The following ARHGAP15 variants were observed in gnomAD, a reference collection of about 807,000 sequenced individuals.
ARHGAP15 encodes Rho GTPase activating protein 15.
In ARHGAP15, 51 loss-of-function variants were observed where a neutral mutation model predicts 63.7. That is an observed-to-expected ratio of 0.80 (90% CI 0.64 to 1.01). The LOEUF is 1.01. Among genes scored for constraint, ARHGAP15 ranks in the 50% least tolerant of loss-of-function variants. The probability of loss-of-function intolerance (pLI) is 0.00; values close to 1 mark genes in which losing one functional copy is unlikely to be tolerated. For missense variants in ARHGAP15, 560 were observed against 564.6 expected (o/e 0.99, Z 0.08); for synonymous variants, 191 against 193.8 (o/e 0.99, Z 0.12).
intron 13 of ARHGAP15, among the ~76,000 whole-genome samples, chr2:143,710,154 C>T (rs1197539822): frequency 7.3e-6 from 1 of 137,230 alleles, no homozygotes. Flanking sequence ...CTTTTACTCT[C>T]TCTTTTCTTT....
chr2:143,663,952 C>G (rs1048437605), intron 12 of ARHGAP15, among the ~76,000 whole-genome samples: 1 of 152,068 alleles, frequency 6.6e-6, no homozygotes, highest in African/African-American at 2.4e-5. Context: ...GACTCCCACA[C>G]ATTAATAATG....
At chr2:143,277,397 G>A (rs533649809) in intron 6 of ARHGAP15, among the ~76,000 whole-genome samples, 3 of 151,884 alleles carry the variant, frequency 2.0e-5, no homozygotes, top group Non-Finnish European at 4.4e-5. Context: ...GATCCAGAAT[G>A]TCCCCCCAGG....
intron 6 of ARHGAP15, among the ~76,000 whole-genome samples, chr2:143,409,643 A>T (rs575832190): frequency 6.6e-6 from 1 of 152,136 alleles, no homozygotes; most frequent in Non-Finnish European, 1.5e-5. Context: ...ATGTGGTGGC[A>T]GTTCCGTAGG....
chr2:143,245,328 C>G (rs532844032), intron 5 of ARHGAP15, among the ~76,000 whole-genome samples: 1 of 152,274 alleles, frequency 6.6e-6, no homozygotes, highest in Admixed American at 6.5e-5. Context: ...GGCCAAGAAA[C>G]AAGAGGGCTC....
At chr2:143,334,912 C>A (rs1025597838) in intron 6 of ARHGAP15, among the ~76,000 whole-genome samples, 6 of 152,134 alleles carry the variant, frequency 3.9e-5, no homozygotes, top group African/African-American at 1.2e-4. Flanking sequence ...TGCTTCAGAT[C>A]TCGACTTTGC....
intron 8 of ARHGAP15, among the ~76,000 whole-genome samples, chr2:143,456,902 A>G (rs1690684289): frequency 6.6e-6 from 1 of 151,982 alleles, no homozygotes; most frequent in Non-Finnish European, 1.5e-5. Context: ...TTTAAGGGGC[A>G]TATTGACAGA....
intron 9 of ARHGAP15, among the ~76,000 whole-genome samples, chr2:143,506,493 C>A (rs1398941969): frequency 2.0e-5 from 3 of 152,128 alleles, no homozygotes; most frequent in Admixed American, 6.6e-5. Flanking sequence ...ATGTGAATTT[C>A]ATGGACAGTT....
chr2:143,698,736 A>G (rs72994451), intron 12 of ARHGAP15, among the ~76,000 whole-genome samples: 6 of 152,250 alleles, frequency 3.9e-5, no homozygotes, highest in African/African-American at 1.4e-4. Context: ...TAGAGGCAAA[A>G]ATAAATCATA....
At chr2:143,642,292 T>C (rs1680642327) in intron 12 of ARHGAP15, among the ~76,000 whole-genome samples, 1 of 152,042 alleles carries the variant, frequency 6.6e-6, no homozygotes, top group African/African-American at 2.4e-5. Flanking sequence ...GGTGAGTAGA[T>C]AATGTTGGGG....
intron 6 of ARHGAP15, among the ~76,000 whole-genome samples, chr2:143,374,069 T>C (rs1686698427): frequency 6.6e-6 from 1 of 152,192 alleles, no homozygotes; most frequent in South Asian, 2.1e-4. Flanking sequence ...AATTATTCTG[T>C]TACTCACATA....
intron 12 of ARHGAP15, among the ~76,000 whole-genome samples, chr2:143,640,061 T>G (rs1680532385): frequency 6.6e-6 from 1 of 152,134 alleles, no homozygotes; most frequent in Non-Finnish European, 1.5e-5. Context: ...TACACAAAAC[T>G]GGGTATAAAT....
chr2:143,744,100 A>G (rs952446303), intron 13 of ARHGAP15, among the ~76,000 whole-genome samples: 3 of 152,200 alleles, frequency 2.0e-5, no homozygotes, highest in Non-Finnish European at 4.4e-5. Context: ...TTGATGTATG[A>G]TGTTCACTTG....
At chr2:143,595,583 A>G (rs185413358) in intron 11 of ARHGAP15, among the ~76,000 whole-genome samples, 1 of 152,190 alleles carries the variant, frequency 6.6e-6, no homozygotes, top group Non-Finnish European at 1.5e-5. Flanking sequence ...TTAATTTTGT[A>G]CCCTCAGAGC....
At position 143,510,018 on chromosome 2, in the gene ARHGAP15, T is replaced by TAAA. The variant is rs35469918; in HGVS notation, c.827-9221_827-9219dup. On this transcript the variant is annotated intron_variant, in intron 9 of 13. Transcript: ENST00000295095. ...CTGGCGACAGAGTAAGACTCCCTCT[T>TAAA]AAAAAAAAAAAAAAAAAAAAAAAAA... Among the ~76,000 whole-genome samples, 207 of 48,824 alleles carry TAAA rather than the reference T, an allele frequency of 4.2e-3. 6 individuals carry two copies. The highest frequency in any genetic ancestry group is 9.3e-3 in the East Asian group (12 of 1,286). 32.0% of individuals were successfully genotyped at this position (48,824 alleles called of 152,430 possible).
At chr2:143,515,897 G>T (rs1271880123) in intron 9 of ARHGAP15, among the ~76,000 whole-genome samples, 2 of 152,166 alleles carry the variant, frequency 1.3e-5, no homozygotes, top group African/African-American at 4.8e-5. Context: ...CTCTAAGAGT[G>T]AATGTATTCC....
At chr2:143,396,579 G>A (rs1387367018) in intron 6 of ARHGAP15, among the ~76,000 whole-genome samples, 2 of 150,710 alleles carry the variant, frequency 1.3e-5, no homozygotes, top group Admixed American at 6.7e-5. Context: ...TTTTAAGTAC[G>A]CTCCATATAA....
intron 6 of ARHGAP15, among the ~76,000 whole-genome samples, chr2:143,367,262 G>A (rs1390408320): frequency 1.3e-5 from 2 of 151,908 alleles, no homozygotes; most frequent in African/African-American, 4.8e-5. Context: ...TACCTTTGCT[G>A]TCAATAAGTT....
chr2:143,287,172 T>A (rs985545571), intron 6 of ARHGAP15, among the ~76,000 whole-genome samples: 19 of 152,300 alleles, frequency 1.2e-4, no homozygotes, highest in African/African-American at 4.6e-4. Flanking sequence ...CTTATTTTTG[T>A]CTAATGCTGA....
chr2:143,221,099 A>T (rs1395639043), intron 4 of ARHGAP15, among the ~76,000 whole-genome samples: 1 of 152,110 alleles, frequency 6.6e-6, no homozygotes, highest in African/African-American at 2.4e-5. Flanking sequence ...CTCTTATTTC[A>T]TGCCATCAAC....
Sources: gnomAD v4.1 joint callset for allele counts (sites outside exome capture counted in the v4.1 genomes callset) on GRCh38, gnomAD v4.1.1 for gene constraint, MANE v1.5 for transcripts, NCBI Gene and HGNC (gene_info 2026-07-23, HGNC 2026-07-21) for gene names.